Variants in FAM135B observed in about 807,000 individuals in gnomAD.
FAM135B encodes family with sequence similarity 135 member B.
In FAM135B, 43 loss-of-function variants were observed where a neutral mutation model predicts 127.7. The ratio of observed to expected loss-of-function variants is 0.34; its 90% CI spans 0.26 to 0.43. FAM135B has a LOEUF of 0.43. Among genes scored for constraint, FAM135B ranks in the 20% least tolerant of loss-of-function variants. FAM135B has a pLI of 1.00. For synonymous variants in FAM135B, 670 were observed against 665.1 expected (o/e 1.01, Z -0.11); for missense variants, 1,558 against 1,725.6 (o/e 0.90, Z 1.72).
At chr8:138,418,919 G>A (rs1238613057) in intron 1 of FAM135B, among the ~76,000 whole-genome samples, 4 of 146,254 alleles carry the variant, frequency 2.7e-5, no homozygotes, top group African/African-American at 5.0e-5. Context: ...AGCACATAGC[G>A]CACTGACACT....
chr8:138,310,982 A>T, intron 2 of FAM135B, 62 bp from the exon 3 acceptor site: 1 of 1,342,150 alleles, frequency 7.5e-7, no homozygotes, highest in Non-Finnish European at 1.1e-6. Flanking sequence ...ACTTCTAAAA[A>T]TACCTAGAAT....
chr8:138,227,250 T>C (rs1315633787), intron 7 of FAM135B, among the ~76,000 whole-genome samples: 5 of 152,174 alleles, frequency 3.3e-5, no homozygotes, highest in Non-Finnish European at 7.3e-5. Flanking sequence ...AAACCAATTA[T>C]CCTCTTTAAA....
At chr8:138,492,511 G>T (rs765342391) in intron 1 of FAM135B, among the ~76,000 whole-genome samples, 2 of 152,026 alleles carry the variant, frequency 1.3e-5, no homozygotes, top group Non-Finnish European at 2.9e-5. Context: ...ATCCTGCCCA[G>T]GTCTAGACCT....
chr8:138,232,772 T>C (rs12542083), intron 7 of FAM135B, among the ~76,000 whole-genome samples: 16,696 of 152,216 alleles, frequency 0.11, 1,229 homozygotes, highest in Non-Finnish European at 0.14. Flanking sequence ...TTATTTTTTA[T>C]TTCATTTTTT....
chr8:138,167,094 A>T (rs756014074), intron 12 of FAM135B, among the ~76,000 whole-genome samples: 1 of 152,082 alleles, frequency 6.6e-6, no homozygotes, highest in Non-Finnish European at 1.5e-5. Flanking sequence ...CATGGGGGGA[A>T]ATCAAAATAC....
intron 7 of FAM135B, among the ~76,000 whole-genome samples, chr8:138,199,341 G>T (rs1043852882): frequency 5.3e-5 from 8 of 152,194 alleles, no homozygotes; most frequent in African/African-American, 1.9e-4. Context: ...ACTGTCTTAG[G>T]TGAGAGACTA....
chr8:138,297,999 C>T (rs896477851), intron 3 of FAM135B, among the ~76,000 whole-genome samples: 3 of 152,150 alleles, frequency 2.0e-5, no homozygotes, highest in Non-Finnish European at 4.4e-5. Context: ...GGGAGCTGGA[C>T]CATCTGGACT....
At position 138,153,285 on chromosome 8, in the gene FAM135B, C is replaced by G. The variant is rs2130795882; in HGVS notation, c.1259-69G>C. 5 of 1,277,230 alleles carry G rather than the reference C, an allele frequency of 3.9e-6. No individual in the cohort carries two copies. The South Asian group carries it at 6.5e-5, about 17-fold the overall frequency. The allele number at this position is 1,277,230 out of a possible 1,614,324, so 79.1% of individuals were successfully genotyped here. A position where few individuals can be genotyped will look rare whatever the true frequency, so the allele number is the denominator to read the frequency against. On this transcript the variant is annotated intron_variant, in intron 12 of 19. Transcript: ENST00000395297. ...CTGTGTTTACAAGTTATCCAAATGT[C>G]TAACTGTATAATAAAGAATTTAGCT... is the stretch of plus-strand genomic sequence containing the variant.
chr8:138,182,394 T>C (rs1815134617), intron 9 of FAM135B, among the ~76,000 whole-genome samples: 1 of 152,106 alleles, frequency 6.6e-6, no homozygotes, highest in Non-Finnish European at 1.5e-5. Context: ...AGAGCTGTCA[T>C]AGCTGAAACT....
intron 1 of FAM135B, among the ~76,000 whole-genome samples, chr8:138,378,062 G>A (rs550756090): frequency 1.3e-5 from 2 of 152,306 alleles, no homozygotes; most frequent in African/African-American, 2.4e-5. Flanking sequence ...TCTCACTTCT[G>A]TGTGGAAACT....
At position 138,368,634 on chromosome 8, in the gene FAM135B, T is replaced by C. The variant is rs139496695; in HGVS notation, c.-19-632A>G. Among the ~76,000 whole-genome samples the C allele has an allele frequency of 4.7e-4, 71 of 152,278 alleles. 1 individual carries two copies. In the East Asian group the frequency reaches 0.012, roughly 26 times the overall value. The stretch of plus-strand genomic sequence containing the variant: ...CTGGAGCAATATCAAGCGTGGCACA[T>C]AGAGCATGTGGGTGCTGCTGCCAGG... On this transcript the variant is annotated intron_variant, in intron 1 of 19. Transcript: ENST00000395297.
At chr8:138,331,570 G>A (rs976283960) in intron 2 of FAM135B, among the ~76,000 whole-genome samples, 1 of 152,074 alleles carries the variant, frequency 6.6e-6, no homozygotes, top group African/African-American at 2.4e-5. Context: ...GACTCTTTGA[G>A]CCACAAAACC....
In FAM135B at chr8:138,182,117, A is replaced by C. The variant is rs957759657; in HGVS notation, c.874-3427T>G. Reference sequence around the variant, plus strand: ...CCACCACAGTGGCACCGGCAAACACAGCACGAATCCTGAGCTCCGCCACCA... The same window carrying C: ...CCACCACAGTGGCACCGGCAAACACCGCACGAATCCTGAGCTCCGCCACCA... On this transcript the variant is annotated intron_variant, in intron 9 of 19. Transcript: ENST00000395297. Among the ~76,000 whole-genome samples, 12 of 152,360 alleles carry C rather than the reference A, an allele frequency of 7.9e-5. No individual in the cohort carries two copies. In the South Asian group the frequency reaches 2.3e-3, roughly 29 times the overall value.
chr8:138,489,484 C>T (rs1046488472), intron 1 of FAM135B, among the ~76,000 whole-genome samples: 1 of 152,178 alleles, frequency 6.6e-6, no homozygotes, highest in African/African-American at 2.4e-5. Flanking sequence ...CACCCAGTCT[C>T]CATGCCTCCT....
At chr8:138,344,711 G>A (rs552550896) in intron 2 of FAM135B, among the ~76,000 whole-genome samples, 4 of 151,988 alleles carry the variant, frequency 2.6e-5, no homozygotes, top group Non-Finnish European at 5.9e-5. Flanking sequence ...GAATAGCTGG[G>A]ACTACAGGTG....
chr8:138,461,503 A>G (rs1837114971), intron 1 of FAM135B, among the ~76,000 whole-genome samples: 1 of 152,256 alleles, frequency 6.6e-6, no homozygotes, highest in Non-Finnish European at 1.5e-5. Flanking sequence ...ACATGACCTC[A>G]GGATTGACAT....
chr8:138,317,878 G>A (rs1188809618), intron 2 of FAM135B, among the ~76,000 whole-genome samples: 1 of 152,192 alleles, frequency 6.6e-6, no homozygotes, highest in African/African-American at 2.4e-5. Flanking sequence ...CTGTGTGAGG[G>A]CAGCAGTGGC....
chr8:138,390,622 T>C (rs1832515513), intron 1 of FAM135B, among the ~76,000 whole-genome samples: 1 of 152,232 alleles, frequency 6.6e-6, no homozygotes, highest in South Asian at 2.1e-4. Context: ...TAAATATTTA[T>C]GGAAATTGAA....
rs1343259872 is a variant in FAM135B at position 138,150,466 on chromosome 8, G to A, written c.3281+728C>T. On this transcript the variant is annotated intron_variant, in intron 13 of 19. Transcript: ENST00000395297. ...GGGTAGATCACGAGGTCAAGAGATC[G>A]AGACCATCCTAGCCAACATGGTGAA... Among the ~76,000 whole-genome samples, 5 of 152,196 alleles carry A rather than the reference G, an allele frequency of 3.3e-5. No individual in the cohort carries two copies. The East Asian group carries it at 7.7e-4, about 24-fold the overall frequency.
Sources: allele counts gnomAD v4.1 joint callset (sites outside exome capture counted in the v4.1 genomes callset), GRCh38; gene constraint gnomAD v4.1.1; transcripts MANE v1.5; gene names NCBI Gene and HGNC (gene_info 2026-07-23, HGNC 2026-07-21).